Variants in EXD3 observed in about 807,000 individuals in gnomAD.
EXD3 encodes exonuclease 3'-5' domain containing 3, also known as exonuclease mut-7 homolog.
Under a neutral mutation model 98.0 loss-of-function variants are expected in EXD3, and 92 were observed. The ratio of observed to expected loss-of-function variants is 0.94; its 90% CI spans 0.79 to 1.12. The LOEUF (loss-of-function observed/expected upper bound fraction) is 1.12. Ranked by LOEUF, EXD3 falls within the 50% of genes most tolerant of loss-of-function variation. The pLI is 0.00. For missense variants in EXD3, 1,222 were observed against 1,191.6 expected, an observed-to-expected ratio of 1.03 and a Z score of -0.38; for synonymous variants, 569 against 526.0, an observed-to-expected ratio of 1.08 and a Z score of -1.12.
intron 1 of EXD3, among the ~76,000 whole-genome samples, chr9:137,400,093 C>G (rs1246834846): frequency 6.6e-6 from 1 of 151,512 alleles, no homozygotes; most frequent in Non-Finnish European, 1.5e-5. Context: ...ATAAACCCGT[C>G]AGATCTCATG....
At chr9:137,409,006 C>T (rs562532472) in intron 1 of EXD3, among the ~76,000 whole-genome samples, 2 of 152,308 alleles carry the variant, frequency 1.3e-5, no homozygotes, top group African/African-American at 4.8e-5. Context: ...TGTGGGAGGG[C>T]GGCTGCTATA....
At chr9:137,387,472 C>T (rs7466589) in intron 2 of EXD3, among the ~76,000 whole-genome samples, 101,678 of 152,048 alleles carry the variant, frequency 0.67, 36,001 homozygotes, top group African/African-American at 0.91. Flanking sequence ...GACACTCATC[C>T]CACACAATTG....
chr9:137,316,616 T>C (rs906202443), intron 19 of EXD3, among the ~76,000 whole-genome samples: 4 of 152,154 alleles, frequency 2.6e-5, no homozygotes, highest in Non-Finnish European at 5.9e-5. Flanking sequence ...CGCCATCGAC[T>C]GGGGGACTTC....
chr9:137,382,461 C>A (rs1057100342), intron 3 of EXD3, among the ~76,000 whole-genome samples: 2 of 152,018 alleles, frequency 1.3e-5, no homozygotes, highest in Non-Finnish European at 2.9e-5. Context: ...GAAGACTGAG[C>A]GTCACAGACG....
rs1836514848 is a variant in EXD3 at position 137,385,049 on chromosome 9, G to A, written c.56-1672C>T. 6.6e-6 allele frequency among the ~76,000 whole-genome samples: 1 copy of A among 152,144 alleles called. No individual in the cohort carries two copies. Among genetic ancestry groups the A allele is most frequent in the Admixed American group, 6.5e-5 (1 of 15,280 alleles). On this transcript the variant is annotated intron_variant, in intron 2 of 21. Coordinates refer to ENST00000340951, the MANE Select transcript of EXD3 (RefSeq NM_017820.5). The surrounding 1 kb of genome is among the most constrained non-coding windows in gnomAD (Gnocchi z 4.4). The stretch of plus-strand genomic sequence containing the variant: ...GGAGGTCGCAGTGAGCCGAGATCGG[G>A]CCACTGCACTCCAGCCTGGGCAACA...
intron 1 of EXD3, among the ~76,000 whole-genome samples, chr9:137,415,935 T>C (rs975970725): frequency 7.2e-5 from 11 of 152,240 alleles, no homozygotes; most frequent in African/African-American, 2.4e-4. Context: ...CAGATGCACG[T>C]GTGAGGGCCT....
chr9:137,344,711 G>A (rs1424165678), intron 17 of EXD3, among the ~76,000 whole-genome samples: 1 of 152,148 alleles, frequency 6.6e-6, no homozygotes, highest in Non-Finnish European at 1.5e-5. Flanking sequence ...GTTTAAGAGC[G>A]CTCCCCTCAG....
In EXD3 at chr9:137,352,051, G is replaced by A. The variant is rs1012894152; in HGVS notation, c.1173+15C>T. On this transcript the variant is annotated intron_variant, in intron 12 of 21. Coordinates refer to ENST00000340951, the MANE Select transcript of EXD3 (RefSeq NM_017820.5). ...TCCCACCACCGGGCGCTGCCCCAGC[G>A]GCCGAGGGAACCACCTGCAGGAGTG... The A allele has an allele frequency of 1.8e-5, 29 of 1,603,858 alleles. No individual in the cohort carries two copies. Among genetic ancestry groups the A allele is most frequent in the East Asian group, 4.5e-5 (2 of 44,630 alleles).
At chr9:137,388,453 C>T (rs1228085895) in intron 2 of EXD3, among the ~76,000 whole-genome samples, 1 of 152,182 alleles carries the variant, frequency 6.6e-6, no homozygotes, top group Non-Finnish European at 1.5e-5. Context: ...CACCTTGAGA[C>T]ACAGACGCAC....
At chr9:137,335,486 C>T (rs1374817176) in intron 17 of EXD3, among the ~76,000 whole-genome samples, 1 of 152,092 alleles carries the variant, frequency 6.6e-6, no homozygotes, top group Non-Finnish European at 1.5e-5. Flanking sequence ...CGAGACCAGC[C>T]TGCCCAACAA....
chr9:137,307,827 G>T (rs950748670), intron 20 of EXD3, among the ~76,000 whole-genome samples, 181 bp from the exon 21 acceptor site: 2 of 152,166 alleles, frequency 1.3e-5, no homozygotes, highest in Non-Finnish European at 2.9e-5. Flanking sequence ...TGTGGTACCG[G>T]CCTGGTCCCC....
chr9:137,398,657 A>G (rs569472505), intron 1 of EXD3, among the ~76,000 whole-genome samples: 47 of 148,838 alleles, frequency 3.2e-4, no homozygotes, highest in Non-Finnish European at 4.6e-4. Context: ...CCCAAGACAC[A>G]CAGGCGACCG....
At chr9:137,329,328 GA>G (rs1314733436) in intron 17 of EXD3, among the ~76,000 whole-genome samples, 2 of 22,590 alleles carry the variant, frequency 8.9e-5, no homozygotes, top group Admixed American at 4.2e-4. Flanking sequence ...GACTACACGG[GA>G]GCTACACGGG....
chr9:137,395,471 C>T lies in EXD3; in HGVS notation c.-47-67G>A. On this transcript the variant is annotated intron_variant, in intron 1 of 21. Coordinates refer to ENST00000340951, the MANE Select transcript of EXD3 (RefSeq NM_017820.5). This position sits in a 1 kb window ranked among gnomAD's most constrained non-coding sequence, Gnocchi z 6.5. Reference sequence around the variant, plus strand: ...ACAGGCAGCCATGCAGAGCCCACGCCCACAGCCCCTGGAGGTGGTGGAGGG... The same window carrying T: ...ACAGGCAGCCATGCAGAGCCCACGCTCACAGCCCCTGGAGGTGGTGGAGGG... The T allele has an allele frequency of 6.8e-7, 1 of 1,481,246 alleles. No homozygotes were observed. Among genetic ancestry groups the T allele is most frequent in the East Asian group, 2.4e-5 (1 of 42,210 alleles). The allele number at this position is 1,481,246 out of a possible 1,614,324, so 91.8% of individuals were successfully genotyped here. A position where few individuals can be genotyped will look rare whatever the true frequency, so the allele number is the denominator to read the frequency against.
chr9:137,380,448 C>T (rs1392209755), intron 3 of EXD3, among the ~76,000 whole-genome samples: 2 of 74,228 alleles, frequency 2.7e-5, no homozygotes, highest in Non-Finnish European at 5.8e-5. Context: ...CAGTATCCCC[C>T]GCACCCCAAC....
chr9:137,309,172 G>T (rs112568583), intron 20 of EXD3, among the ~76,000 whole-genome samples: 23 of 152,348 alleles, frequency 1.5e-4, no homozygotes, highest in Middle Eastern at 3.4e-3. Context: ...GGAGGAGAAA[G>T]AAGCCCTCTT....
chr9:137,367,121 G>A (rs1451611614), intron 6 of EXD3, among the ~76,000 whole-genome samples: 1 of 152,142 alleles, frequency 6.6e-6, no homozygotes, highest in Non-Finnish European at 1.5e-5. Context: ...CGTAGACAAC[G>A]CCCCTCGAAG....
At chr9:137,314,919 G>A (rs1392663727) in intron 19 of EXD3, among the ~76,000 whole-genome samples, 3 of 152,214 alleles carry the variant, frequency 2.0e-5, no homozygotes, top group South Asian at 4.1e-4. Context: ...GCGGGGAGAC[G>A]TCTCTCAGAA....
At chr9:137,307,736 G>A (rs1831123487) in intron 20 of EXD3, 90 bp from the exon 21 acceptor site, 2 of 1,469,244 alleles carry the variant, frequency 1.4e-6, no homozygotes. Context: ...ATGCGGCTGA[G>A]CACAGTCACC....
Sources: allele counts gnomAD v4.1 joint callset (sites outside exome capture counted in the v4.1 genomes callset), GRCh38; gene constraint gnomAD v4.1.1; non-coding constraint Gnocchi (gnomAD v3.1); transcripts MANE v1.5; gene names NCBI Gene and HGNC (gene_info 2026-07-23, HGNC 2026-07-21).